NKAIN3: variants seen among roughly 807,000 people sequenced by gnomAD.
NKAIN3 encodes sodium/potassium-transporting ATPase subunit beta-1-interacting protein 3.
In NKAIN3, 25 loss-of-function variants were observed where a neutral mutation model predicts 30.2. That is an observed-to-expected ratio of 0.83 (90% CI 0.60 to 1.16). The LOEUF is 1.16. Among genes scored for constraint, NKAIN3 ranks in the 50% most tolerant of loss-of-function variants. The pLI, the probability that NKAIN3 is intolerant of heterozygous loss-of-function variation, is 0.00. For synonymous variants in NKAIN3, 91 were observed against 89.6 expected (o/e 1.02, Z -0.09); for missense variants, 225 against 254.1 (o/e 0.89, Z 0.78).
At position 62,974,812 on chromosome 8, in the gene NKAIN3, C is replaced by G. The variant is rs745884741; in HGVS notation, c.*9405C>G. On this transcript the variant is annotated 3_prime_UTR_variant, in exon 7 of 7. Transcript: ENST00000623646. ...TGGCTGTGGGTTTGTCATAACAGCT[C>G]TTATTATTTTGAGATATGTTCCATC... 6.6e-6 allele frequency among the ~76,000 whole-genome samples: 1 copy of G among 152,030 alleles called. No homozygotes were observed. The highest frequency in any genetic ancestry group is 1.5e-5 in the Non-Finnish European group (1 of 68,004).
chr8:62,466,231 A>AT (rs1806158641), intron 1 of NKAIN3, among the ~76,000 whole-genome samples: 2 of 152,044 alleles, frequency 1.3e-5, no homozygotes, highest in South Asian at 2.1e-4. Flanking sequence ...AAGCAAGTCA[A>AT]TTGTTTTCCT....
intron 4 of NKAIN3, among the ~76,000 whole-genome samples, chr8:62,871,331 A>C (rs1056270956): frequency 6.6e-6 from 1 of 151,428 alleles, no homozygotes; most frequent in African/African-American, 2.4e-5. Flanking sequence ...CGAACTCAGA[A>C]GGCAGAGGTT....
At chr8:62,918,656 A>G in intron 5 of NKAIN3, 143 bp downstream of exon 5, 1 of 650,452 alleles carries the variant, frequency 1.5e-6, no homozygotes, top group Non-Finnish European at 2.7e-6. Flanking sequence ...GTTACAGTCA[A>G]AAGTTGACAG....
At chr8:62,449,947 T>C (rs745447273) in intron 1 of NKAIN3, among the ~76,000 whole-genome samples, 2 of 152,144 alleles carry the variant, frequency 1.3e-5, no homozygotes, top group Non-Finnish European at 2.9e-5. Flanking sequence ...TGTCTAAAAT[T>C]AGAGGAAGCA....
At chr8:62,265,943 C>T (rs1438017527) in intron 1 of NKAIN3, among the ~76,000 whole-genome samples, 1 of 152,174 alleles carries the variant, frequency 6.6e-6, no homozygotes, top group Non-Finnish European at 1.5e-5. Context: ...GAACAGTACC[C>T]TGGGGACCTA....
chr8:62,285,325 T>C (rs1315814023), intron 1 of NKAIN3, among the ~76,000 whole-genome samples: 1 of 152,206 alleles, frequency 6.6e-6, no homozygotes, highest in Non-Finnish European at 1.5e-5. Context: ...TACATAAATG[T>C]ATACTGTGCT....
At chr8:62,584,240 T>C (rs369057006) in intron 2 of NKAIN3, among the ~76,000 whole-genome samples, 1 of 152,210 alleles carries the variant, frequency 6.6e-6, no homozygotes, top group African/African-American at 2.4e-5. Flanking sequence ...GATAGGTCAA[T>C]TAAATTTAAT....
At chr8:62,395,756 T>C (rs1395679004) in intron 1 of NKAIN3, among the ~76,000 whole-genome samples, 2 of 152,312 alleles carry the variant, frequency 1.3e-5, no homozygotes, top group African/African-American at 4.8e-5. Flanking sequence ...TAAGCTTCTC[T>C]GAAGTGATAA....
At chr8:62,452,208 G>C (rs1457093525) in intron 1 of NKAIN3, among the ~76,000 whole-genome samples, 1 of 152,164 alleles carries the variant, frequency 6.6e-6, no homozygotes, top group Non-Finnish European at 1.5e-5. Flanking sequence ...GGGTGCAGTG[G>C]CTCACATCTG....
chr8:62,908,620 G>A (rs1299471094), intron 4 of NKAIN3, among the ~76,000 whole-genome samples: 1 of 152,104 alleles, frequency 6.6e-6, no homozygotes, highest in East Asian at 1.9e-4. Context: ...AATATCTGAT[G>A]GTTTTATAAA....
intron 1 of NKAIN3, among the ~76,000 whole-genome samples, chr8:62,510,081 G>A (rs1428019426): frequency 6.6e-6 from 1 of 152,058 alleles, no homozygotes; most frequent in Admixed American, 6.6e-5. Context: ...GACATTTTAA[G>A]AGGGCCTTAA....
chr8:62,478,817 T>C (rs1437170007), intron 1 of NKAIN3, among the ~76,000 whole-genome samples: 1 of 152,184 alleles, frequency 6.6e-6, no homozygotes, highest in Non-Finnish European at 1.5e-5. Flanking sequence ...CACACAATTC[T>C]GAGTTACAGA....
chr8:62,635,258 A>G (rs1340089862), intron 3 of NKAIN3, among the ~76,000 whole-genome samples: 1 of 152,194 alleles, frequency 6.6e-6, no homozygotes, highest in East Asian at 1.9e-4. Context: ...GATAGTGTCT[A>G]GTTGTGAGCT....
chr8:62,404,568 G>C (rs898405224), intron 1 of NKAIN3, among the ~76,000 whole-genome samples: 1 of 152,102 alleles, frequency 6.6e-6, no homozygotes, highest in Non-Finnish European at 1.5e-5. Flanking sequence ...TCTCCTTCCT[G>C]TCACCATGAA....
intron 4 of NKAIN3, among the ~76,000 whole-genome samples, chr8:62,784,700 C>A (rs1370350014): frequency 6.6e-6 from 1 of 152,092 alleles, no homozygotes; most frequent in Admixed American, 6.6e-5. Flanking sequence ...TATTTTTATA[C>A]CAATTCTTCA....
intron 6 of NKAIN3, among the ~76,000 whole-genome samples, chr8:62,956,750 C>G (rs537768537): frequency 2.7e-4 from 41 of 152,294 alleles, no homozygotes; most frequent in African/African-American, 9.6e-4. Flanking sequence ...ACAACAGGCA[C>G]AGCCTAAGTG....
At chr8:62,554,680 CAAAT>C (rs749201926) in intron 1 of NKAIN3, among the ~76,000 whole-genome samples, 2 of 152,168 alleles carry the variant, frequency 1.3e-5, no homozygotes, top group Non-Finnish European at 2.9e-5. Context: ...AATCCAAAAA[CAAAT>C]AAAATTCCTA....
intron 6 of NKAIN3, among the ~76,000 whole-genome samples, chr8:62,964,629 A>C (rs1440311905): frequency 6.6e-6 from 1 of 150,654 alleles, no homozygotes; most frequent in South Asian, 2.1e-4. Flanking sequence ...AGACCCAAGG[A>C]AGAGATGCAG....
intron 1 of NKAIN3, among the ~76,000 whole-genome samples, chr8:62,262,020 G>T (rs978128443): frequency 6.6e-6 from 1 of 152,012 alleles, no homozygotes; most frequent in Non-Finnish European, 1.5e-5. Flanking sequence ...TTAGATTTTG[G>T]TATTGTGACT....
Sources: allele counts gnomAD v4.1 joint callset (sites outside exome capture counted in the v4.1 genomes callset), GRCh38; gene constraint gnomAD v4.1.1; transcripts MANE v1.5; gene names NCBI Gene and HGNC (gene_info 2026-07-23, HGNC 2026-07-21).